Variants in ANO6 observed in about 807,000 individuals in gnomAD.
ANO6 encodes the protein anoctamin 6.
In ANO6, 106 loss-of-function variants were observed where a neutral mutation model predicts 117.5. The ratio of observed to expected loss-of-function variants is 0.90; its 90% CI spans 0.77 to 1.06. The LOEUF is 1.06. ANO6 is among the 50% of genes least tolerant of loss of function. The pLI is 0.00. For missense variants in ANO6, 955 were observed against 1,121.1 expected (o/e 0.85, Z 2.12); for synonymous variants, 367 against 385.1 (o/e 0.95, Z 0.55).
intron 12 of ANO6, among the ~76,000 whole-genome samples, chr12:45,397,191 A>G (rs984715319): frequency 6.6e-6 from 1 of 152,170 alleles, no homozygotes; most frequent in Non-Finnish European, 1.5e-5. Context: ...ATGAACAGAC[A>G]CTTTTCAAAA....
rs567421027 is a variant in ANO6 at position 45,415,841 on chromosome 12, C to T, written c.2012-858C>T. On this transcript the variant is annotated intron_variant, in intron 16 of 19. Transcript: ENST00000320560. ...GAGGCCTAATGGAACTCTATGTTTT[C>T]CTCCCATCCACAGTTTTAGTTACAT... 9.2e-4 allele frequency among the ~76,000 whole-genome samples: 140 copies of T among 152,314 alleles called. 1 individual carries two copies. In the South Asian group the frequency reaches 0.011, roughly 12 times the overall value.
At chr12:45,255,643 CAAT>C (rs1937787225) in intron 1 of ANO6, among the ~76,000 whole-genome samples, 3 of 152,074 alleles carry the variant, frequency 2.0e-5, no homozygotes. Context: ...ACTTTTTGCT[CAAT>C]GAGAACTCTG....
At chr12:45,432,769 G>C (rs960855867), downstream of ANO6, among the ~76,000 whole-genome samples, 4 of 152,160 alleles carry the variant, frequency 2.6e-5, no homozygotes, top group Non-Finnish European at 5.9e-5. Context: ...GGCAAAACTA[G>C]AAACGTCTTT....
At chr12:45,269,687 T>C (rs1439015501) in intron 1 of ANO6, among the ~76,000 whole-genome samples, 1 of 152,132 alleles carries the variant, frequency 6.6e-6, no homozygotes, top group Non-Finnish European at 1.5e-5. Context: ...CGTGGAGCCA[T>C]TTTATAGAAG....
chr12:45,286,509 C>G (rs1008225982), intron 1 of ANO6, among the ~76,000 whole-genome samples: 89 of 152,112 alleles, frequency 5.9e-4, no homozygotes, highest in African/African-American at 2.1e-3. Flanking sequence ...TTAGATAGAG[C>G]TAATGTGTTT....
intron 1 of ANO6, among the ~76,000 whole-genome samples, chr12:45,272,707 A>G (rs1938430361): frequency 6.6e-6 from 1 of 152,210 alleles, no homozygotes; most frequent in African/African-American, 2.4e-5. Flanking sequence ...ACCATTGGGA[A>G]TATAAATTGC....
chr12:45,431,123 T>A lies in ANO6; in HGVS notation c.*1812T>A. On this transcript the variant is annotated 3_prime_UTR_variant, in exon 20 of 20. Coordinates refer to ENST00000320560, the MANE Select transcript of ANO6 (RefSeq NM_001025356.3). ...TTGTCCCAGTGGATCCGGGACCCCA[T>A]TTCACTGTCTCTCTTGATCGTGTTA... The A allele has an allele frequency of 2.0e-6, 2 of 985,330 alleles. No homozygotes were observed. The highest frequency in any genetic ancestry group is 2.4e-6 in the Non-Finnish European group (2 of 829,832). The allele number at this position is 985,330 out of a possible 1,614,324, so 61.0% of individuals were successfully genotyped here.
chr12:45,277,787 T>C, intron 1 of ANO6, among the ~76,000 whole-genome samples: 1 of 152,180 alleles, frequency 6.6e-6, no homozygotes, highest in Admixed American at 6.5e-5. Context: ...CCTGCCATTC[T>C]GACTTATGAT....
chr12:45,216,199 C>G lies in ANO6; in HGVS notation c.-123C>G. ...CCCCGGCGCTGGCTGGGCTCAGCGG[C>G]CCCTGAGCCCAAGCGACACACGCCC... On this transcript the variant is annotated 5_prime_UTR_variant, in exon 1 of 20. Coordinates refer to ENST00000320560, the MANE Select transcript of ANO6 (RefSeq NM_001025356.3). The G allele has an allele frequency of 8.7e-7, 1 of 1,147,044 alleles. No homozygotes were observed. 71.1% of individuals were successfully genotyped at this position (1,147,044 alleles called of 1,614,324 possible). A position where few individuals can be genotyped will look rare whatever the true frequency, so the allele number is the denominator to read the frequency against.
rs189135636 is a variant in ANO6, at chr12:45,430,763, C to T, written c.*1452C>T. The T allele has an allele frequency of 5.0e-5, 49 of 985,428 alleles. No individual in the cohort carries two copies. In the Admixed American group the frequency reaches 1.4e-3, roughly 28 times the overall value. 61.0% of individuals were successfully genotyped at this position (985,428 alleles called of 1,614,324 possible). A position where few individuals can be genotyped will look rare whatever the true frequency, so the allele number is the denominator to read the frequency against. ...TTTTGCTCAGCCTAGCAGTCTACTTCACTTTATTGCCTTGTAAGTGTCAGG... is the reference window on the plus strand; with the variant it reads ...TTTTGCTCAGCCTAGCAGTCTACTTTACTTTATTGCCTTGTAAGTGTCAGG... On this transcript the variant is annotated 3_prime_UTR_variant, in exon 20 of 20. Transcript: ENST00000320560.
intron 1 of ANO6, among the ~76,000 whole-genome samples, chr12:45,238,889 G>T (rs1172391747): frequency 1.3e-5 from 2 of 152,226 alleles, no homozygotes; most frequent in African/African-American, 2.4e-5. Context: ...CAGGGATGAA[G>T]CTGATTTGAT....
chr12:45,259,405 A>G (rs1937945962), intron 1 of ANO6, among the ~76,000 whole-genome samples: 1 of 152,228 alleles, frequency 6.6e-6, no homozygotes. Flanking sequence ...AGAGGATTTC[A>G]TGAACTATAA....
chr12:45,324,364 A>G (rs919047675), intron 2 of ANO6, among the ~76,000 whole-genome samples: 3 of 152,218 alleles, frequency 2.0e-5, no homozygotes, highest in Non-Finnish European at 2.9e-5. Flanking sequence ...AAGAAAAGTA[A>G]TATCTATATA....
At chr12:45,421,436 T>C (rs185622976) in intron 18 of ANO6, among the ~76,000 whole-genome samples, 163 bp downstream of exon 18, 45 of 152,322 alleles carry the variant, frequency 3.0e-4, no homozygotes, top group Admixed American at 1.1e-3. Context: ...AGAGACATTT[T>C]TTCCCCATAG....
intron 1 of ANO6, among the ~76,000 whole-genome samples, chr12:45,257,747 T>G (rs1170658596): frequency 2.0e-5 from 3 of 152,194 alleles, no homozygotes; most frequent in African/African-American, 7.2e-5. Flanking sequence ...AAATCTGTCT[T>G]CCTTCATACT....
intron 17 of ANO6, among the ~76,000 whole-genome samples, chr12:45,417,743 C>T (rs1343521801): frequency 6.6e-6 from 1 of 152,222 alleles, no homozygotes; most frequent in African/African-American, 2.4e-5. Flanking sequence ...ACCTCCCTAA[C>T]AAAGTGATTC....
In ANO6 at chr12:45,221,059, T is replaced by TGGTG. The variant is rs1555156313; in HGVS notation, c.70+4670_70+4671insTGGG. On this transcript the variant is annotated intron_variant, in intron 1 of 19. Coordinates refer to ENST00000320560, the MANE Select transcript of ANO6 (RefSeq NM_001025356.3). ...TGGGGCCTGTGATTGGTGTCGGAAGTGGGGGGGGGCAGCCTTGTAGGACTG... is the reference window on the plus strand; with the variant it reads ...TGGGGCCTGTGATTGGTGTCGGAAGTGGTGGGGGGGGGGCAGCCTTGTAGGACTG... Among the ~76,000 whole-genome samples, 4 of 149,214 alleles carry TGGTG rather than the reference T, an allele frequency of 2.7e-5. No individual in the cohort carries two copies. The East Asian group carries it at 7.9e-4, about 30-fold the overall frequency.
intron 19 of ANO6, among the ~76,000 whole-genome samples, chr12:45,424,232 G>A (rs1324763100): frequency 6.7e-6 from 1 of 150,306 alleles, no homozygotes; most frequent in African/African-American, 2.5e-5. Flanking sequence ...CATCCCCACT[G>A]CAAAACTTCT....
chr12:45,432,614 C>T (rs1439175311), downstream of ANO6, among the ~76,000 whole-genome samples: 1 of 152,146 alleles, frequency 6.6e-6, no homozygotes, highest in Non-Finnish European at 1.5e-5. Context: ...TTTTACCAGA[C>T]TTTTGAATAA....
Sources: allele counts gnomAD v4.1 joint callset (sites outside exome capture counted in the v4.1 genomes callset), GRCh38; gene constraint gnomAD v4.1.1; transcripts MANE v1.5; gene names NCBI Gene and HGNC (gene_info 2026-07-23, HGNC 2026-07-21).